PKNOX1: variants seen among roughly 807,000 people sequenced by gnomAD.
PKNOX1 encodes the protein homeobox protein PKNOX1.
PKNOX1 carries 15 observed loss-of-function variants against 51.9 expected under a neutral mutation model. The observed-to-expected ratio is 0.29, with a 90% CI of 0.19 to 0.45. The LOEUF is 0.45. PKNOX1 is among the 20% of genes least tolerant of loss of function. The pLI, the probability that PKNOX1 is intolerant of heterozygous loss-of-function variation, is 1.00. For synonymous variants in PKNOX1, 219 were observed against 211.1 expected (o/e 1.04, Z -0.32); for missense variants, 462 against 547.5 (o/e 0.84, Z 1.56).
At chr21:43,007,395 TG>T in intron 2 of PKNOX1, 95 bp from the exon 3 acceptor site, 1 of 1,113,478 alleles carries the variant, frequency 9.0e-7, no homozygotes, top group Non-Finnish European at 1.4e-6. Context: ...TACTGCTGTC[TG>T]GCAATTCCCC....
At chr21:43,018,362 T>C (rs1277199116) in intron 7 of PKNOX1, 132 bp downstream of exon 7, 1 of 606,164 alleles carries the variant, frequency 1.6e-6, no homozygotes, top group Non-Finnish European at 3.0e-6. Flanking sequence ...TTTCTCTGAA[T>C]GTCAGTGTTT....
chr21:43,021,426 A>G lies in PKNOX1; in HGVS notation c.844A>G (p.Ile282Val), dbSNP rs1235658075. 6.2e-7 allele frequency: 1 copy of G among 1,608,318 alleles called. No individual in the cohort carries two copies. Residue 282 changes from isoleucine (I) to valine (V), a missense_variant, in exon 8 of 11, where the codon ATC becomes GTC. Physicochemically the swap from Ile to Val is conservative, Grantham distance 29. Around this residue, in one of 5 missense-constraint regions of PKNOX1, gnomAD observed 75 missense variants for 129.8 expected, o/e 0.58. Transcript: ENST00000291547. This position sits in a 1 kb window ranked among gnomAD's most constrained non-coding sequence, Gnocchi z 4.6. ...GATGCGGTCCTGGCTCTTCCAGCACATCGGGGTAAGGACGGCTGGGCCAGC... is the reference window on the plus strand; with the variant it reads ...GATGCGGTCCTGGCTCTTCCAGCACGTCGGGGTAAGGACGGCTGGGCCAGC... ...NVMRSWLFQHIGHPYPTEDEK... is the reference protein window; with the variant it reads ...NVMRSWLFQHVGHPYPTEDEK...
At chr21:42,975,583 C>G (rs1037237083) in intron 1 of PKNOX1, among the ~76,000 whole-genome samples, 2 of 152,256 alleles carry the variant, frequency 1.3e-5, no homozygotes, top group African/African-American at 4.8e-5. Flanking sequence ...ATCCTCGTGG[C>G]TCTCGAAATG....
At chr21:43,026,573 A>T (rs1979990479) in intron 9 of PKNOX1, among the ~76,000 whole-genome samples, 1 of 152,126 alleles carries the variant, frequency 6.6e-6, no homozygotes, top group African/African-American at 2.4e-5. Flanking sequence ...CCTGACCAAC[A>T]TGGTGAAATC....
intron 1 of PKNOX1, among the ~76,000 whole-genome samples, chr21:42,995,195 T>G (rs2146247985): frequency 6.6e-6 from 1 of 152,238 alleles, no homozygotes; most frequent in African/African-American, 2.4e-5. Context: ...GTGCTGGGAT[T>G]ACAGGTGTGA....
chr21:43,018,282 G>A (rs757136527), intron 7 of PKNOX1, 52 bp downstream of exon 7: 6 of 1,136,894 alleles, frequency 5.3e-6, no homozygotes, highest in Non-Finnish European at 5.3e-6. Context: ...GCCCACATAG[G>A]GGCACAGGTA....
chr21:42,986,197 A>C (rs761427183), intron 1 of PKNOX1, among the ~76,000 whole-genome samples: 11 of 151,972 alleles, frequency 7.2e-5, no homozygotes, highest in Non-Finnish European at 1.2e-4. Flanking sequence ...ACCTCGCCAA[A>C]CCTTGTTTGA....
intron 7 of PKNOX1, among the ~76,000 whole-genome samples, chr21:43,020,773 G>A (rs558964933): frequency 3.3e-5 from 5 of 152,264 alleles, no homozygotes; most frequent in South Asian, 4.1e-4. Context: ...CACTGACCTC[G>A]CTGCAGGAGG....
chr21:43,026,232 G>A (rs577513977), intron 9 of PKNOX1, among the ~76,000 whole-genome samples: 15 of 152,236 alleles, frequency 9.9e-5, no homozygotes, highest in African/African-American at 1.4e-4. Flanking sequence ...TTACATTAAC[G>A]AATTGTCTTA....
At chr21:43,005,110 G>A (rs1978929842) in intron 2 of PKNOX1, among the ~76,000 whole-genome samples, 1 of 152,154 alleles carries the variant, frequency 6.6e-6, no homozygotes, top group Non-Finnish European at 1.5e-5. Flanking sequence ...TGTTAAACAC[G>A]GTGTTCTGAA....
intron 4 of PKNOX1, among the ~76,000 whole-genome samples, chr21:43,012,859 C>T (rs529377943): frequency 5.9e-5 from 9 of 152,304 alleles, no homozygotes; most frequent in Middle Eastern, 3.4e-3. Flanking sequence ...CCTTTGTCTT[C>T]CCTGCACACC....
chr21:42,996,521 A>G (rs572037772), intron 1 of PKNOX1, among the ~76,000 whole-genome samples: 2 of 152,284 alleles, frequency 1.3e-5, no homozygotes, highest in African/African-American at 4.8e-5. Flanking sequence ...TTTGCTTAGA[A>G]AGCCTAGATG....
intron 2 of PKNOX1, among the ~76,000 whole-genome samples, chr21:43,005,721 G>T (rs1280224987): frequency 6.6e-6 from 1 of 151,948 alleles, no homozygotes; most frequent in Admixed American, 6.6e-5. Flanking sequence ...CTCTCTGCCT[G>T]CCCTGGAGCA....
chr21:42,995,889 C>G (rs985504722), intron 1 of PKNOX1, among the ~76,000 whole-genome samples: 2 of 152,008 alleles, frequency 1.3e-5, no homozygotes, highest in Admixed American at 6.6e-5. Context: ...TTTTCTGCTC[C>G]CCATCTATTC....
At chr21:43,004,077 A>G (rs1978880837) in intron 1 of PKNOX1, 1 of 240,942 alleles carries the variant, frequency 4.2e-6, no homozygotes, top group African/African-American at 2.3e-5. Context: ...GTCTCTACTA[A>G]AAACACAAAA....
intron 1 of PKNOX1, among the ~76,000 whole-genome samples, chr21:42,986,511 A>G (rs1300576044): frequency 6.6e-6 from 1 of 152,126 alleles, no homozygotes; most frequent in Non-Finnish European, 1.5e-5. Context: ...AAAAACAAAA[A>G]AAAAGTGATT....
chr21:42,975,324 C>T lies in PKNOX1; in HGVS notation c.-57+660C>T, dbSNP rs1182173914. Among the ~76,000 whole-genome samples, 4 of 150,710 alleles carry T rather than the reference C, an allele frequency of 2.7e-5. No individual in the cohort carries two copies. In the East Asian group the frequency reaches 8.0e-4, roughly 30 times the overall value. On this transcript the variant is annotated intron_variant, in intron 1 of 10. Coordinates refer to ENST00000291547, the MANE Select transcript of PKNOX1 (RefSeq NM_004571.5). ...TGGGCGTGATGGGGCTCGTGGCCCT[C>T]AGCCGGGCGCCGGCGCGGGAGCAGC...
rs773342818 is a variant in PKNOX1, at chr21:43,007,505, A to G, written c.66A>G (p.Thr22=). Residue 22 remains threonine, a synonymous_variant, in exon 3 of 11, where the codon ACA becomes ACG. Coordinates refer to ENST00000291547, the MANE Select transcript of PKNOX1 (RefSeq NM_004571.5). ...TCCTTTTACAGATGCAAGTAGTAAC[A>G]GAGTTAAAGACAGAACAAGATCCAA... The part of the protein sequence containing the change: ...YQDGQQMQVV[T]ELKTEQDPNC... 3.5e-5 allele frequency: 56 copies of G among 1,613,708 alleles called. No individual in the cohort carries two copies. The South Asian group carries it at 5.8e-4, about 17-fold the overall frequency.
At chr21:42,987,397 AAAAAAAAAT>A (rs1280426510) in intron 1 of PKNOX1, among the ~76,000 whole-genome samples, 3 of 125,092 alleles carry the variant, frequency 2.4e-5, no homozygotes, top group Non-Finnish European at 3.4e-5. Context: ...AAAAAAAAAA[AAAAAAAAAT>A]ATATATATAT....
Sources: gnomAD v4.1 joint callset for allele counts (sites outside exome capture counted in the v4.1 genomes callset) on GRCh38, gnomAD v4.1.1 for gene constraint, gnomAD v4.1.1 regional missense constraint, Gnocchi (gnomAD v3.1) non-coding constraint, MANE v1.5 for transcripts, NCBI Gene and HGNC (gene_info 2026-07-23, HGNC 2026-07-21) for gene names.